CDH13: variants seen among roughly 807,000 people sequenced by gnomAD.
The protein encoded by CDH13 is cadherin 13.
Under a neutral mutation model 63.8 loss-of-function variants are expected in CDH13, and 24 were observed. That is an observed-to-expected ratio of 0.38 (90% CI 0.27 to 0.53). The LOEUF is 0.53. Among genes scored for constraint, CDH13 ranks in the 20% least tolerant of loss-of-function variants. CDH13 has a pLI of 0.85. For missense variants in CDH13, 1,049 were observed against 903.1 expected (o/e 1.16, Z -2.07); for synonymous variants, 503 against 355.3 (o/e 1.42, Z -4.67).
At chr16:83,017,491 G>C (rs993461719) in intron 2 of CDH13, among the ~76,000 whole-genome samples, 35 of 152,314 alleles carry the variant, frequency 2.3e-4, no homozygotes, top group Middle Eastern at 3.4e-3. Flanking sequence ...AAGCAATCCA[G>C]CTTTCCTACT....
At chr16:83,064,879 CTT>C in intron 3 of CDH13, among the ~76,000 whole-genome samples, 1 of 152,242 alleles carries the variant, frequency 6.6e-6, no homozygotes, top group South Asian at 2.1e-4. Context: ...AATTGACTCT[CTT>C]AGTTATTTTG....
intron 7 of CDH13, among the ~76,000 whole-genome samples, chr16:83,542,315 G>T (rs766498519): frequency 1.2e-4 from 19 of 152,158 alleles, no homozygotes; most frequent in Admixed American, 3.3e-4. Context: ...GTAATGTGCA[G>T]CCAGGATTGC....
rs947720013 is a variant in CDH13 at position 83,774,856 on chromosome 16, T to C, written c.1682-5112T>C. 2.0e-5 allele frequency among the ~76,000 whole-genome samples: 3 copies of C among 152,196 alleles called. No individual in the cohort carries two copies. The South Asian group carries it at 6.2e-4, about 31-fold the overall frequency. On this transcript the variant is annotated intron_variant, in intron 11 of 13. Coordinates refer to ENST00000567109, the MANE Select transcript of CDH13 (RefSeq NM_001257.5). The stretch of plus-strand genomic sequence containing the variant: ...ATGGTGAGAAAGTTCTGGAGATGAA[T>C]GGTGGTGATGTTCCCACAACAATTT...
In CDH13 at chr16:83,368,938, A is replaced by ATATATATG. The variant is rs60900726; in HGVS notation, c.781+23932_781+23933insTATATATG. On this transcript the variant is annotated intron_variant, in intron 6 of 13. Transcript: ENST00000567109. ...TATATATATATATATATATATATAT[A>ATATATATG]CTAGGTTTTTTTAATCTGTTCATTG... Among the ~76,000 whole-genome samples, 142 of 55,424 alleles carry ATATATATG rather than the reference A, an allele frequency of 2.6e-3. 9 individuals are homozygous for ATATATATG. The highest frequency in any genetic ancestry group is 4.1e-3 in the Non-Finnish European group (123 of 29,860). The allele number at this position is 55,424 out of a possible 152,430, so 36.4% of individuals were successfully genotyped here. A position where few individuals can be genotyped will look rare whatever the true frequency, so the allele number is the denominator to read the frequency against.
In CDH13 at chr16:82,886,590, C is replaced by G. The variant is rs548910058; in HGVS notation, c.157+28117C>G. 8.8e-5 allele frequency among the ~76,000 whole-genome samples: 13 copies of G among 148,262 alleles called. No homozygotes were observed. The South Asian group carries it at 2.1e-3, about 24-fold the overall frequency. ...TTTTTTTTTACATGTGGAGCTTGTTCTTAATGATTCTGCCAGGGCTTAAAA... is the reference window on the plus strand; with the variant it reads ...TTTTTTTTTACATGTGGAGCTTGTTGTTAATGATTCTGCCAGGGCTTAAAA... On this transcript the variant is annotated intron_variant, in intron 2 of 13. Transcript: ENST00000567109.
intron 6 of CDH13, among the ~76,000 whole-genome samples, chr16:83,410,497 C>G (rs1231700373): frequency 6.6e-6 from 1 of 152,106 alleles, no homozygotes; most frequent in Non-Finnish European, 1.5e-5. Flanking sequence ...AGCAAGGTTA[C>G]TGGCAAATAG....
intron 5 of CDH13, among the ~76,000 whole-genome samples, chr16:83,236,265 A>G (rs2040141136): frequency 6.6e-6 from 1 of 152,088 alleles, no homozygotes; most frequent in South Asian, 2.1e-4. Context: ...ACACACACAT[A>G]GGTTTTGTGC....
intron 7 of CDH13, among the ~76,000 whole-genome samples, chr16:83,496,780 C>A (rs578109785): frequency 2.0e-4 from 30 of 152,220 alleles, no homozygotes; most frequent in African/African-American, 7.0e-4. Context: ...GGGCTAATAT[C>A]CAGAATCTAC....
At chr16:82,778,629 T>C (rs1174888134) in intron 1 of CDH13, among the ~76,000 whole-genome samples, 2 of 151,410 alleles carry the variant, frequency 1.3e-5, no homozygotes, top group East Asian at 3.9e-4. Flanking sequence ...ACAGCATTTA[T>C]TAGATATGGC....
At chr16:83,093,133 C>T (rs2034001656) in intron 3 of CDH13, among the ~76,000 whole-genome samples, 1 of 152,020 alleles carries the variant, frequency 6.6e-6, no homozygotes. Context: ...TAGTCTTTGC[C>T]TATGTCTGCT....
At chr16:83,067,236 G>A (rs962379421) in intron 3 of CDH13, among the ~76,000 whole-genome samples, 8 of 152,198 alleles carry the variant, frequency 5.3e-5, no homozygotes, top group African/African-American at 1.9e-4. Flanking sequence ...GTATCTCTGA[G>A]TAATGTTGAT....
chr16:82,724,494 A>G (rs1428707769), intron 1 of CDH13, among the ~76,000 whole-genome samples: 1 of 152,144 alleles, frequency 6.6e-6, no homozygotes, highest in Non-Finnish European at 1.5e-5. Context: ...GTATGATCCC[A>G]TATATGTTTT....
chr16:82,792,183 A>G (rs1027087868), intron 1 of CDH13, among the ~76,000 whole-genome samples: 11 of 152,124 alleles, frequency 7.2e-5, no homozygotes, highest in African/African-American at 1.7e-4. Context: ...ACAATTCCAG[A>G]TAAGAGATGA....
chr16:83,303,385 G>A (rs748749049), intron 5 of CDH13, among the ~76,000 whole-genome samples: 1 of 152,170 alleles, frequency 6.6e-6, no homozygotes, highest in Non-Finnish European at 1.5e-5. Flanking sequence ...TTGAGTCAAT[G>A]TGTCTGTCAA....
chr16:82,632,661 A>T (rs1908152522), intron 1 of CDH13, among the ~76,000 whole-genome samples: 1 of 152,228 alleles, frequency 6.6e-6, no homozygotes, highest in Non-Finnish European at 1.5e-5. Context: ...CCATTTTGGT[A>T]CCAGGGACCG....
intron 6 of CDH13, among the ~76,000 whole-genome samples, chr16:83,355,295 A>G (rs756318493): frequency 6.6e-6 from 1 of 152,236 alleles, no homozygotes; most frequent in Non-Finnish European, 1.5e-5. Context: ...ATGCCAGCTT[A>G]TTATAACTGA....
chr16:83,117,818 C>G (rs2035380880), intron 3 of CDH13, among the ~76,000 whole-genome samples: 1 of 142,552 alleles, frequency 7.0e-6, no homozygotes, highest in Non-Finnish European at 1.5e-5. Context: ...TTTCAGGGGT[C>G]TCCCCTTTAT....
At chr16:83,066,225 C>T (rs1302795093) in intron 3 of CDH13, among the ~76,000 whole-genome samples, 8 of 152,168 alleles carry the variant, frequency 5.3e-5, no homozygotes, top group Admixed American at 5.2e-4. Context: ...TTCTTCTCAA[C>T]AAGTGACTAA....
intron 8 of CDH13, among the ~76,000 whole-genome samples, chr16:83,646,338 G>A (rs1347587038): frequency 6.6e-6 from 1 of 152,200 alleles, no homozygotes; most frequent in African/African-American, 2.4e-5. Flanking sequence ...ATCGTTAGCT[G>A]TGATTATCAC....
Sources: gnomAD v4.1 joint callset for allele counts (sites outside exome capture counted in the v4.1 genomes callset) on GRCh38, gnomAD v4.1.1 for gene constraint, MANE v1.5 for transcripts, NCBI Gene and HGNC (gene_info 2026-07-23, HGNC 2026-07-21) for gene names.